The following TNIK variants were observed in gnomAD, a reference collection of about 807,000 sequenced individuals.
The protein encoded by TNIK is TRAF2 and NCK-interacting protein kinase.
TNIK carries 49 observed loss-of-function variants against 191.3 expected under a neutral mutation model. The observed-to-expected ratio is 0.26, with a 90% CI of 0.20 to 0.32. The LOEUF (loss-of-function observed/expected upper bound fraction) is 0.32. Ranked by LOEUF, TNIK falls within the 10% of genes least tolerant of loss-of-function variation. The pLI is 1.00. For missense variants in TNIK, 1,155 were observed against 1,702.3 expected (o/e 0.68, Z 5.66); for synonymous variants, 594 against 600.9 (o/e 0.99, Z 0.17).
chr3:171,347,557 T>G (rs886551647), intron 2 of TNIK, among the ~76,000 whole-genome samples: 4 of 152,140 alleles, frequency 2.6e-5, no homozygotes, highest in Non-Finnish European at 5.9e-5. Flanking sequence ...GGGTGACTCA[T>G]TAGGATTTTC....
At chr3:171,404,841 A>C (rs1721450959) in intron 1 of TNIK, among the ~76,000 whole-genome samples, 1 of 152,140 alleles carries the variant, frequency 6.6e-6, no homozygotes, top group Admixed American at 6.5e-5. Context: ...CGGTTTCTCC[A>C]CTCAGCTGTG....
At chr3:171,277,985 G>A (rs1354819290) in intron 2 of TNIK, among the ~76,000 whole-genome samples, 7 of 152,186 alleles carry the variant, frequency 4.6e-5, no homozygotes. Context: ...CCATGATCAT[G>A]CCACTGCACT....
At chr3:171,239,992 C>G (rs1744751925) in intron 2 of TNIK, among the ~76,000 whole-genome samples, 1 of 152,012 alleles carries the variant, frequency 6.6e-6, no homozygotes, top group Non-Finnish European at 1.5e-5. Flanking sequence ...TATGATCTGC[C>G]CCAAGCTCTG....
intron 2 of TNIK, among the ~76,000 whole-genome samples, chr3:171,326,223 T>C (rs1755732288): frequency 6.6e-6 from 1 of 152,204 alleles, no homozygotes; most frequent in African/African-American, 2.4e-5. Flanking sequence ...GAATCAACCA[T>C]TGGTTTTAAA....
chr3:171,104,073 TAAA>T (rs1724174974), intron 21 of TNIK, among the ~76,000 whole-genome samples: 1 of 1,852 alleles, frequency 5.4e-4, no homozygotes, highest in African/African-American at 1.9e-3. Flanking sequence ...CAATTAAACT[TAAA>T]GGAAATTTTC....
chr3:171,401,410 C>T (rs1224234977), intron 1 of TNIK, among the ~76,000 whole-genome samples: 1 of 152,006 alleles, frequency 6.6e-6, no homozygotes, highest in East Asian at 1.9e-4. Context: ...TTAAGATGCA[C>T]AATGCTGTCT....
chr3:171,382,687 T>C (rs1435149189), intron 1 of TNIK, among the ~76,000 whole-genome samples: 1 of 152,308 alleles, frequency 6.6e-6, no homozygotes, highest in African/African-American at 2.4e-5. Context: ...CAAATCATTG[T>C]GATGACTGTG....
intron 1 of TNIK, among the ~76,000 whole-genome samples, chr3:171,412,148 T>C (rs920125002): frequency 1.3e-5 from 2 of 152,060 alleles, no homozygotes; most frequent in Non-Finnish European, 2.9e-5. Flanking sequence ...GAAGAGGCAG[T>C]TCGTCCCTGT....
intron 2 of TNIK, among the ~76,000 whole-genome samples, chr3:171,260,632 G>T (rs1333168015): frequency 6.6e-6 from 1 of 152,166 alleles, no homozygotes; most frequent in Admixed American, 6.6e-5. Flanking sequence ...AAAACAAGGG[G>T]TTTGAGCTCA....
chr3:171,415,986 AAAAAAAAAAAAG>A lies in TNIK; in HGVS notation c.57+44009_57+44020del, dbSNP rs1324974332. The stretch of plus-strand genomic sequence containing the variant: ...GCGAGACTGTCTCAAAAAAAAAAAA[AAAAAAAAAAAAG>A]AAAGAAAAAGAAAGAAAGGAAGAAA... On this transcript the variant is annotated intron_variant, in intron 1 of 32. Transcript: ENST00000436636. Among the ~76,000 whole-genome samples the A allele has an allele frequency of 4.1e-5, 6 of 147,824 alleles. 1 individual carries two copies. The highest frequency in any genetic ancestry group is 3.9e-4 in the East Asian group (2 of 5,120).
chr3:171,175,337 G>A lies in TNIK; in HGVS notation c.695-7C>T, dbSNP rs1735834106. On this transcript the variant is annotated splice_region_variant and splice_polypyrimidine_tract_variant and intron_variant, in intron 8 of 32. Transcript: ENST00000436636. The stretch of plus-strand genomic sequence containing the variant: ...GGGTGCATGTCACAGAGAGCTGCAA[G>A]AGACCAAAACAAGGGCCAGCTACAG... 6.2e-7 allele frequency: 1 copy of A among 1,606,118 alleles called. No individual in the cohort carries two copies. The highest frequency in any genetic ancestry group is 2.2e-5 in the East Asian group (1 of 44,594).
At chr3:171,163,748 T>C (rs371664384) in intron 10 of TNIK, among the ~76,000 whole-genome samples, 42 of 152,344 alleles carry the variant, frequency 2.8e-4, no homozygotes, top group African/African-American at 1.0e-3. Context: ...ATTATTCCAA[T>C]TACTTCTACT....
intron 1 of TNIK, among the ~76,000 whole-genome samples, chr3:171,376,215 C>T (rs1383021920): frequency 6.6e-6 from 1 of 152,196 alleles, no homozygotes; most frequent in Non-Finnish European, 1.5e-5. Flanking sequence ...CTTGAGGCTT[C>T]AGGCTTTTCA....
At chr3:171,421,090 T>C (rs1723735411) in intron 1 of TNIK, among the ~76,000 whole-genome samples, 1 of 152,210 alleles carries the variant, frequency 6.6e-6, no homozygotes, top group Non-Finnish European at 1.5e-5. Context: ...ACTGCTTCCA[T>C]CACTAAGATA....
intron 2 of TNIK, among the ~76,000 whole-genome samples, chr3:171,281,003 C>A (rs557721197): frequency 4.0e-4 from 61 of 152,244 alleles, no homozygotes; most frequent in African/African-American, 1.4e-3. Context: ...CTCAGCTACA[C>A]TTTCAGTAAG....
intron 2 of TNIK, among the ~76,000 whole-genome samples, chr3:171,271,617 T>C (rs1203806265): frequency 6.6e-6 from 1 of 152,254 alleles, no homozygotes; most frequent in African/African-American, 2.4e-5. Flanking sequence ...CAGAGCACTT[T>C]TTATGGGAAA....
chr3:171,409,209 A>G (rs79715638), intron 1 of TNIK, among the ~76,000 whole-genome samples: 5,152 of 152,304 alleles, frequency 0.034, 300 homozygotes, highest in African/African-American at 0.12. Flanking sequence ...ATATCCTTGC[A>G]AAGATCCAAA....
chr3:171,190,085 A>G (rs1219294689), intron 6 of TNIK, among the ~76,000 whole-genome samples: 1 of 152,206 alleles, frequency 6.6e-6, no homozygotes. Context: ...ATATACATCA[A>G]GCAGTCAAAT....
intron 1 of TNIK, among the ~76,000 whole-genome samples, chr3:171,459,239 C>T (rs891161920): frequency 3.3e-5 from 5 of 152,088 alleles, no homozygotes; most frequent in African/African-American, 1.2e-4. Context: ...CACACACACA[C>T]ACACTCGCAC....
Sources: gnomAD v4.1 joint callset for allele counts (sites outside exome capture counted in the v4.1 genomes callset) on GRCh38, gnomAD v4.1.1 for gene constraint, MANE v1.5 for transcripts, NCBI Gene and HGNC (gene_info 2026-07-23, HGNC 2026-07-21) for gene names.